Variants in MID1 observed in about 807,000 individuals in gnomAD.
MID1 encodes E3 ubiquitin-protein ligase Midline-1.
In MID1, 7 loss-of-function variants were observed where a neutral mutation model predicts 40.4. The ratio of observed to expected loss-of-function variants is 0.17; its 90% CI spans 0.10 to 0.33. MID1 has a LOEUF of 0.33. MID1 is among the 10% of genes least tolerant of loss of function. The pLI, the probability that MID1 is intolerant of heterozygous loss-of-function variation, is 1.00. For missense variants in MID1, 367 were observed against 558.5 expected, an observed-to-expected ratio of 0.66 and a Z score of 3.46; for synonymous variants, 229 against 221.2, an observed-to-expected ratio of 1.04 and a Z score of -0.31.
chrX:10,761,231 C>T (rs981094313), intron 1 of MID1, among the ~76,000 whole-genome samples: 27 of 106,995 alleles, frequency 2.5e-4, no homozygotes, highest in Non-Finnish European at 4.2e-4. Context: ...CCATGTTCAG[C>T]TCCTTCATTT....
At chrX:10,649,002 T>C (rs1166285360) in intron 1 of MID1, among the ~76,000 whole-genome samples, 5 of 112,357 alleles carry the variant, frequency 4.5e-5, no homozygotes. Context: ...TTCACAACTT[T>C]GTTCATGCTT....
intron 1 of MID1, among the ~76,000 whole-genome samples, chrX:10,825,813 A>C: frequency 9.0e-6 from 1 of 111,583 alleles, no homozygotes. Context: ...CACCCCAGGA[A>C]GTTATTGAAA....
At chrX:10,651,195 A>G (rs970500687) in intron 1 of MID1, among the ~76,000 whole-genome samples, 18 of 112,025 alleles carry the variant, frequency 1.6e-4, no homozygotes, top group Admixed American at 1.4e-3. Context: ...GCAGGGGAAC[A>G]GAGAATATGT....
chrX:10,495,449 G>A (rs1286475232), intron 4 of MID1, 135 bp downstream of exon 4: 1 of 534,803 alleles, frequency 1.9e-6, no homozygotes, highest in Non-Finnish European at 3.1e-6. Context: ...TTTTAACTAA[G>A]TCTTAAAGAC....
intron 2 of MID1, among the ~76,000 whole-genome samples, chrX:10,531,199 C>A (rs1051862497): frequency 4.5e-5 from 5 of 111,648 alleles, no homozygotes; most frequent in African/African-American, 1.6e-4. Flanking sequence ...ACTTTAATCA[C>A]AATAGTTAAT....
At chrX:10,816,334 T>C (rs757996959) in intron 1 of MID1, among the ~76,000 whole-genome samples, 2 of 112,270 alleles carry the variant, frequency 1.8e-5, no homozygotes, top group South Asian at 7.4e-4. Context: ...ATTCACTGTT[T>C]GTTTCTAATG....
chrX:10,708,895 A>AC (rs2043247964), intron 1 of MID1, among the ~76,000 whole-genome samples: 1 of 112,543 alleles, frequency 8.9e-6, no homozygotes, highest in African/African-American at 3.2e-5. Flanking sequence ...ATGAATATCT[A>AC]GTGAATTTTC....
chrX:10,528,945 C>G (rs1184703187), intron 2 of MID1, among the ~76,000 whole-genome samples: 1 of 111,288 alleles, frequency 9.0e-6, no homozygotes, highest in Non-Finnish European at 1.9e-5. Context: ...GTTAAGTACA[C>G]AGAACCTGGT....
intron 1 of MID1, among the ~76,000 whole-genome samples, chrX:10,788,291 T>G: frequency 8.9e-6 from 1 of 112,151 alleles, no homozygotes; most frequent in South Asian, 3.7e-4. Context: ...TCTAGTGATC[T>G]TATCCTTAAT....
At chrX:10,512,166 G>A (rs1311360706) in intron 3 of MID1, among the ~76,000 whole-genome samples, 1 of 112,218 alleles carries the variant, frequency 8.9e-6, no homozygotes, top group African/African-American at 3.2e-5. Context: ...GAGGGTCAAT[G>A]GTTAATAATA....
intron 1 of MID1, among the ~76,000 whole-genome samples, chrX:10,733,287 A>C (rs989477159): frequency 2.1e-4 from 24 of 112,022 alleles, no homozygotes; most frequent in Non-Finnish European, 4.1e-4. Context: ...CCTCTACCTC[A>C]CACTACACAC....
chrX:10,551,997 C>G (rs1334339182), intron 2 of MID1, among the ~76,000 whole-genome samples: 2 of 109,807 alleles, frequency 1.8e-5, no homozygotes, highest in Non-Finnish European at 3.8e-5. Flanking sequence ...ACTATGTTGC[C>G]CAGGCTGGTG....
intron 2 of MID1, among the ~76,000 whole-genome samples, chrX:10,540,811 G>A (rs1221229102): frequency 8.9e-6 from 1 of 111,973 alleles, no homozygotes; most frequent in East Asian, 2.8e-4. Flanking sequence ...CTCCCCATTG[G>A]ATTCAAAGCA....
At chrX:10,465,214 T>TATATACACAC (rs1477864693) in intron 7 of MID1, among the ~76,000 whole-genome samples, 47 of 39,892 alleles carry the variant, frequency 1.2e-3, no homozygotes, top group Middle Eastern at 0.015. Flanking sequence ...TATATATATA[T>TATATACACAC]ACACACACAC....
chrX:10,481,571 C>T (rs1308506233), intron 5 of MID1, among the ~76,000 whole-genome samples: 1 of 111,751 alleles, frequency 8.9e-6, no homozygotes, highest in Non-Finnish European at 1.9e-5. Flanking sequence ...TCCCAAGTAG[C>T]TGGGATTACA....
At chrX:10,719,581 A>G (rs1221558222) in intron 1 of MID1, among the ~76,000 whole-genome samples, 2 of 112,347 alleles carry the variant, frequency 1.8e-5, no homozygotes, top group Non-Finnish European at 3.8e-5. Context: ...TTCCATGCTC[A>G]TGGGTAGGAA....
At chrX:10,806,915 A>G (rs771283488) in intron 1 of MID1, among the ~76,000 whole-genome samples, 2 of 105,726 alleles carry the variant, frequency 1.9e-5, no homozygotes, top group East Asian at 5.6e-4. Flanking sequence ...ATTCAGAATT[A>G]AAAAAAACAT....
At chrX:10,626,622 G>A in intron 1 of MID1, among the ~76,000 whole-genome samples, 1 of 111,699 alleles carries the variant, frequency 9.0e-6, no homozygotes, top group East Asian at 2.8e-4. Context: ...ACCAGGAATG[G>A]TTGCAATGTC....
At chrX:10,628,068 G>A (rs979090170) in intron 1 of MID1, among the ~76,000 whole-genome samples, 14 of 110,455 alleles carry the variant, frequency 1.3e-4, no homozygotes, top group Non-Finnish European at 2.7e-4. Context: ...GTTACACACA[G>A]ATCATGGTGT....
Sources: allele counts gnomAD v4.1 joint callset (sites outside exome capture counted in the v4.1 genomes callset), GRCh38; gene constraint gnomAD v4.1.1; transcripts MANE v1.5; gene names NCBI Gene and HGNC (gene_info 2026-07-23, HGNC 2026-07-21).